CFAP299: variants seen among roughly 807,000 people sequenced by gnomAD.
CFAP299 encodes the protein cilia and flagella associated protein 299.
In CFAP299, 21 loss-of-function variants were observed where a neutral mutation model predicts 27.0. The ratio of observed to expected loss-of-function variants is 0.78; its 90% CI spans 0.55 to 1.12. The LOEUF (loss-of-function observed/expected upper bound fraction) is 1.12. Among genes scored for constraint, CFAP299 ranks in the 50% most tolerant of loss-of-function variants. CFAP299 has a pLI of 0.00. For synonymous variants in CFAP299, 104 were observed against 98.1 expected (o/e 1.06, Z -0.36); for missense variants, 310 against 276.6 (o/e 1.12, Z -0.86).
intron 2 of CFAP299, among the ~76,000 whole-genome samples, chr4:80,542,337 T>G (rs957599256): frequency 9.2e-5 from 14 of 152,166 alleles, no homozygotes; most frequent in Non-Finnish European, 1.9e-4. Context: ...AATATGGCCA[T>G]TTAATGCAGC....
At chr4:80,616,514 A>G (rs1022082197) in intron 3 of CFAP299, among the ~76,000 whole-genome samples, 4 of 152,016 alleles carry the variant, frequency 2.6e-5, no homozygotes, top group Non-Finnish European at 4.4e-5. Context: ...TTACAGATGA[A>G]AAAAAACAAA....
chr4:80,696,958 A>T (rs1225336677), intron 3 of CFAP299, among the ~76,000 whole-genome samples: 1 of 152,232 alleles, frequency 6.6e-6, no homozygotes, highest in Non-Finnish European at 1.5e-5. Context: ...AATGAAAAAG[A>T]TGTTCAGTGC....
chr4:80,402,330 C>T (rs1726203946), intron 2 of CFAP299, among the ~76,000 whole-genome samples: 1 of 152,100 alleles, frequency 6.6e-6, no homozygotes, highest in Non-Finnish European at 1.5e-5. Flanking sequence ...TTGCATTTCC[C>T]AGAATTCCCA....
intron 1 of CFAP299, among the ~76,000 whole-genome samples, chr4:80,346,044 A>C (rs1204122294): frequency 3.9e-5 from 6 of 152,100 alleles, no homozygotes; most frequent in African/African-American, 1.4e-4. Flanking sequence ...AGCATTTTTC[A>C]TGTGTCTGTT....
rs149017555 is a variant in CFAP299, at chr4:80,729,329, C to G, written c.334-140664C>G. Among the ~76,000 whole-genome samples the G allele has an allele frequency of 8.5e-5, 13 of 152,304 alleles. No individual in the cohort carries two copies. In the East Asian group the frequency reaches 1.4e-3, roughly 16 times the overall value. On this transcript the variant is annotated intron_variant, in intron 3 of 5. Coordinates refer to ENST00000358105, the MANE Select transcript of CFAP299 (RefSeq NM_152770.3). ...GTGATAGGCAGCCTCTAAGATGGCT[C>G]TCAATGATCCACACCTCCTACTATT...
intron 3 of CFAP299, among the ~76,000 whole-genome samples, chr4:80,686,267 C>T (rs17004969): frequency 0.038 from 5,750 of 152,254 alleles, 382 homozygotes; most frequent in African/African-American, 0.13. Flanking sequence ...GCCATTCCCA[C>T]ACCAAAGAGA....
chr4:80,674,321 C>A (rs1719239425), intron 3 of CFAP299, among the ~76,000 whole-genome samples: 1 of 152,140 alleles, frequency 6.6e-6, no homozygotes, highest in South Asian at 2.1e-4. Context: ...GTTGAAAATT[C>A]TTTTCTTTAA....
rs78367798 is a variant in CFAP299, at chr4:80,897,127, G to C, written c.476+26992G>C. The stretch of plus-strand genomic sequence containing the variant: ...CCTATTCAGTAATCTTAACCTTCTG[G>C]ATATATTCTAGAACCAAGCTGAAAT... On this transcript the variant is annotated intron_variant, in intron 4 of 5. Coordinates refer to ENST00000358105, the MANE Select transcript of CFAP299 (RefSeq NM_152770.3). Among the ~76,000 whole-genome samples, 930 of 152,190 alleles carry C rather than the reference G, an allele frequency of 6.1e-3. 11 individuals are homozygous for C. Among genetic ancestry groups the C allele is most frequent in the African/African-American group, 0.021 (883 of 41,518 alleles).
chr4:80,938,674 G>C (rs1180352126), intron 4 of CFAP299, among the ~76,000 whole-genome samples: 1 of 152,164 alleles, frequency 6.6e-6, no homozygotes, highest in Non-Finnish European at 1.5e-5. Flanking sequence ...TGCTAGGTTA[G>C]GGTCTCCCCG....
At chr4:80,381,240 A>G (rs1724682659) in intron 2 of CFAP299, among the ~76,000 whole-genome samples, 1 of 152,178 alleles carries the variant, frequency 6.6e-6, no homozygotes, top group African/African-American at 2.4e-5. Flanking sequence ...TGCCATTTTT[A>G]TTATGATAAT....
At chr4:80,326,475 C>T in the CFAP299 span, among the ~76,000 whole-genome samples, 5 of 152,284 alleles carry the variant, frequency 3.3e-5, no homozygotes, top group African/African-American at 1.2e-4. Context: ...GTGTTGCATT[C>T]TGAGGAGATG....
intron 3 of CFAP299, among the ~76,000 whole-genome samples, chr4:80,628,580 T>A (rs537980578): frequency 6.6e-6 from 1 of 152,240 alleles, no homozygotes; most frequent in East Asian, 1.9e-4. Context: ...GCAAACTGTA[T>A]ATCTGTTATG....
intron 5 of CFAP299, among the ~76,000 whole-genome samples, chr4:80,961,053 T>C (rs1738321031): frequency 6.6e-6 from 1 of 151,764 alleles, no homozygotes; most frequent in African/African-American, 2.4e-5. Flanking sequence ...AGGTTATGTG[T>C]TGCCTAAGGA....
chr4:80,908,734 T>G (rs948546499), intron 4 of CFAP299, among the ~76,000 whole-genome samples: 1 of 152,194 alleles, frequency 6.6e-6, no homozygotes, highest in Admixed American at 6.6e-5. Flanking sequence ...TGTTAATAGA[T>G]ATAAATATTT....
chr4:80,781,394 A>T lies in CFAP299; in HGVS notation c.334-88599A>T, dbSNP rs187709756. Among the ~76,000 whole-genome samples, 979 of 152,170 alleles carry T rather than the reference A, an allele frequency of 6.4e-3. 7 individuals are homozygous for T. Among genetic ancestry groups the T allele is most frequent in the African/African-American group, 0.022 (919 of 41,550 alleles). Reference sequence around the variant, plus strand: ...GGTGTATGTGATATTGATATATTAGATGAGGAGGATAGGTAAACACCTATA... The same window carrying T: ...GGTGTATGTGATATTGATATATTAGTTGAGGAGGATAGGTAAACACCTATA... On this transcript the variant is annotated intron_variant, in intron 3 of 5. Transcript: ENST00000358105.
chr4:80,799,808 TAAA>T (rs1224273477), intron 3 of CFAP299, among the ~76,000 whole-genome samples: 1 of 24,144 alleles, frequency 4.1e-5, no homozygotes, highest in Non-Finnish European at 5.3e-5. Context: ...ATATAATATA[TAAA>T]TATATATATT....
intron 2 of CFAP299, among the ~76,000 whole-genome samples, chr4:80,569,262 C>G (rs1264585490): frequency 6.6e-6 from 1 of 152,008 alleles, no homozygotes; most frequent in Non-Finnish European, 1.5e-5. Flanking sequence ...TGGATGTGAA[C>G]AGGGAGGAAT....
chr4:80,673,359 A>C (rs1028632541), intron 3 of CFAP299, among the ~76,000 whole-genome samples: 3 of 152,130 alleles, frequency 2.0e-5, no homozygotes, highest in Non-Finnish European at 4.4e-5. Context: ...CTTTGATTGC[A>C]CTGTGGTCTG....
At chr4:80,738,753 G>A (rs1158456316) in intron 3 of CFAP299, among the ~76,000 whole-genome samples, 2 of 151,332 alleles carry the variant, frequency 1.3e-5, no homozygotes, top group East Asian at 1.9e-4. Context: ...TTAATAAGTA[G>A]CAACTTATTC....
Sources: gnomAD v4.1 joint callset for allele counts (sites outside exome capture counted in the v4.1 genomes callset) on GRCh38, gnomAD v4.1.1 for gene constraint, MANE v1.5 for transcripts, NCBI Gene and HGNC (gene_info 2026-07-23, HGNC 2026-07-21) for gene names.